RETREG1: variants seen among roughly 807,000 people sequenced by gnomAD.
RETREG1 encodes the protein family with sequence similarity 134 member B.
Under a neutral mutation model 54.8 loss-of-function variants are expected in RETREG1, and 44 were observed. The observed-to-expected ratio is 0.80, with a 90% CI of 0.63 to 1.03. The LOEUF (loss-of-function observed/expected upper bound fraction) is 1.03. RETREG1 is among the 50% of genes least tolerant of loss of function. RETREG1 has a pLI of 0.00. For missense variants in RETREG1, 554 were observed against 605.1 expected (o/e 0.92, Z 0.89); for synonymous variants, 217 against 238.5 (o/e 0.91, Z 0.83).
rs546444692 is a variant in RETREG1 at position 16,489,259 on chromosome 5, T to C, written c.459-5787A>G. On this transcript the variant is annotated intron_variant, in intron 3 of 8. Coordinates refer to ENST00000306320, the MANE Select transcript of RETREG1 (RefSeq NM_001034850.3). ...ACTTATTTTACTTTTATGTGTATCT[T>C]TTAAATTATCATGTACCTTTGTTCC... Among the ~76,000 whole-genome samples the C allele has an allele frequency of 3.9e-5, 6 of 152,304 alleles. No homozygotes were observed. In the South Asian group the frequency reaches 1.2e-3, roughly 32 times the overall value.
chr5:16,559,324 G>A (rs1741793946), intron 3 of RETREG1, among the ~76,000 whole-genome samples: 2 of 152,134 alleles, frequency 1.3e-5, no homozygotes, highest in African/African-American at 4.8e-5. Flanking sequence ...GACCCCCTTT[G>A]CTAATCCCTG....
At chr5:16,595,965 TA>T (rs1235590186) in intron 1 of RETREG1, among the ~76,000 whole-genome samples, 1 of 152,194 alleles carries the variant, frequency 6.6e-6, no homozygotes, top group Non-Finnish European at 1.5e-5. Flanking sequence ...GGAACATTAT[TA>T]TTTTGCCTTC....
At chr5:16,488,827 A>G (rs1157591991) in intron 3 of RETREG1, among the ~76,000 whole-genome samples, 9 of 152,084 alleles carry the variant, frequency 5.9e-5, no homozygotes, top group African/African-American at 1.9e-4. Context: ...GCTCACGCCT[A>G]TAATCCCAGC....
chr5:16,507,332 G>A (rs564470187), intron 3 of RETREG1, among the ~76,000 whole-genome samples: 5 of 152,246 alleles, frequency 3.3e-5, no homozygotes, highest in Admixed American at 2.6e-4. Flanking sequence ...GAGTGCCTAG[G>A]TGCCAAGAGG....
chr5:16,533,084 G>A (rs999923025), intron 3 of RETREG1, among the ~76,000 whole-genome samples: 28 of 150,784 alleles, frequency 1.9e-4, no homozygotes, highest in Non-Finnish European at 8.8e-5. Context: ...TCTCTCTCTC[G>A]CCCAGGCTGG....
intron 3 of RETREG1, among the ~76,000 whole-genome samples, chr5:16,503,576 G>T (rs1005084546): frequency 1.3e-5 from 2 of 149,890 alleles, no homozygotes; most frequent in Admixed American, 1.3e-4. Flanking sequence ...GGCTGAGGCA[G>T]AGAACTGCTT....
At chr5:16,559,848 CTA>C (rs2126624189) in intron 3 of RETREG1, among the ~76,000 whole-genome samples, 1 of 152,252 alleles carries the variant, frequency 6.6e-6, no homozygotes, top group South Asian at 2.1e-4. Context: ...AAAGGAAAAA[CTA>C]TTATAATACT....
intron 2 of RETREG1, among the ~76,000 whole-genome samples, chr5:16,568,665 G>A (rs984311538): frequency 1.3e-5 from 2 of 152,144 alleles, no homozygotes; most frequent in Non-Finnish European, 2.9e-5. Flanking sequence ...AAAGTAGAAT[G>A]GTAGTTGCCA....
At chr5:16,570,030 A>G (rs1483028783) in intron 2 of RETREG1, among the ~76,000 whole-genome samples, 1 of 152,250 alleles carries the variant, frequency 6.6e-6, no homozygotes, top group Non-Finnish European at 1.5e-5. Flanking sequence ...ATTTGGGCCC[A>G]GTGACACTGA....
intron 4 of RETREG1, among the ~76,000 whole-genome samples, chr5:16,482,072 T>C (rs1251970566): frequency 1.3e-5 from 2 of 152,006 alleles, no homozygotes; most frequent in Admixed American, 1.3e-4. Flanking sequence ...GATTTTTCAT[T>C]CTTCGGTACA....
At chr5:16,504,992 T>G (rs1739891229) in intron 3 of RETREG1, among the ~76,000 whole-genome samples, 1 of 152,244 alleles carries the variant, frequency 6.6e-6, no homozygotes, top group Admixed American at 6.5e-5. Context: ...GATTGCAGAA[T>G]ATATTTAAGT....
chr5:16,513,792 C>G (rs941552501), intron 3 of RETREG1, among the ~76,000 whole-genome samples: 1 of 152,202 alleles, frequency 6.6e-6, no homozygotes, highest in African/African-American at 2.4e-5. Flanking sequence ...CCTTCTCCCA[C>G]GGGAGCCTCT....
intron 3 of RETREG1, among the ~76,000 whole-genome samples, chr5:16,530,126 T>G (rs1001527421): frequency 5.3e-5 from 8 of 152,332 alleles, no homozygotes; most frequent in Non-Finnish European, 1.0e-4. Flanking sequence ...ATAGTCCACT[T>G]TCGGGGAACC....
chr5:16,576,680 T>G (rs913245933), intron 1 of RETREG1, among the ~76,000 whole-genome samples: 4 of 152,114 alleles, frequency 2.6e-5, no homozygotes, highest in African/African-American at 9.7e-5. Context: ...AGACGGGGTC[T>G]CTCCATGTTG....
chr5:16,596,585 A>G (rs1272940468), intron 1 of RETREG1, among the ~76,000 whole-genome samples: 1 of 152,198 alleles, frequency 6.6e-6, no homozygotes, highest in Non-Finnish European at 1.5e-5. Context: ...CTGAGACCAA[A>G]GTATGAATTC....
chr5:16,584,802 T>A (rs1742582791), intron 1 of RETREG1, among the ~76,000 whole-genome samples: 1 of 152,214 alleles, frequency 6.6e-6, no homozygotes, highest in Non-Finnish European at 1.5e-5. Flanking sequence ...GTAATATGTA[T>A]CCCATTTTCA....
intron 3 of RETREG1, among the ~76,000 whole-genome samples, chr5:16,546,016 C>G (rs563103464): frequency 6.6e-6 from 1 of 152,286 alleles, no homozygotes; most frequent in Non-Finnish European, 1.5e-5. Context: ...CTTTCCCTTT[C>G]CATGAGAGAA....
At chr5:16,510,864 A>C (rs1355773844) in intron 3 of RETREG1, among the ~76,000 whole-genome samples, 1 of 151,200 alleles carries the variant, frequency 6.6e-6, no homozygotes, top group Non-Finnish European at 1.5e-5. Flanking sequence ...CAAAAGGCTA[A>C]TTCTCTTATC....
chr5:16,486,932 G>A (rs552612942), intron 3 of RETREG1, among the ~76,000 whole-genome samples: 7 of 152,208 alleles, frequency 4.6e-5, no homozygotes, highest in African/African-American at 1.7e-4. Context: ...ACATACACAC[G>A]CTGAGTTGCT....
Sources: allele counts gnomAD v4.1 joint callset (sites outside exome capture counted in the v4.1 genomes callset), GRCh38; gene constraint gnomAD v4.1.1; transcripts MANE v1.5; gene names NCBI Gene and HGNC (gene_info 2026-07-23, HGNC 2026-07-21).